The following RUFY4 variants were observed in gnomAD, a reference collection of about 807,000 sequenced individuals.
RUFY4 encodes the protein RUN and FYVE domain-containing protein 4.
A neutral mutation model predicts 69.0 loss-of-function variants in RUFY4; 73 were observed. The observed-to-expected ratio is 1.06, with a 90% CI of 0.88 to 1.29. RUFY4 has a LOEUF of 1.29. RUFY4 is among the 50% of genes most tolerant of loss of function. RUFY4 has a pLI of 0.00. For missense variants in RUFY4, 770 were observed against 705.6 expected (o/e 1.09, Z -1.03); for synonymous variants, 287 against 271.8 (o/e 1.06, Z -0.55).
At chr2:218,046,027 G>C (rs1452276338) in intron 2 of RUFY4, among the ~76,000 whole-genome samples, 1 of 152,008 alleles carries the variant, frequency 6.6e-6, no homozygotes, top group Non-Finnish European at 1.5e-5. Context: ...AGATGTTCTA[G>C]ATCTCCTGAC....
intron 2 of RUFY4, among the ~76,000 whole-genome samples, chr2:218,037,640 G>A (rs1958999413): frequency 6.6e-6 from 1 of 152,154 alleles, no homozygotes; most frequent in Non-Finnish European, 1.5e-5. Context: ...CCAAACCAAG[G>A]CAGACTTCAG....
chr2:218,035,339 C>T (rs994995349), exon 2 of RUFY4: 26 of 152,142 alleles, frequency 1.7e-4, no homozygotes, highest in African/African-American at 5.6e-4. Context: ...AAGGGGCTGC[C>T]GAGACCATCA....
At chr2:218,046,854 G>A (rs1316740828) in intron 2 of RUFY4, among the ~76,000 whole-genome samples, 1 of 151,862 alleles carries the variant, frequency 6.6e-6, no homozygotes, top group Admixed American at 6.6e-5. Context: ...CATATTTCAG[G>A]GACCCTTCTG....
chr2:218,053,511 A>G (rs1394015372), intron 2 of RUFY4, among the ~76,000 whole-genome samples: 1 of 151,444 alleles, frequency 6.6e-6, no homozygotes, highest in Non-Finnish European at 1.5e-5. Flanking sequence ...ACACCTGGCT[A>G]ATTTTTTTTT....
intron 2 of RUFY4, chr2:218,035,402 A>T (rs929003464): frequency 1.3e-5 from 2 of 150,016 alleles, no homozygotes; most frequent in Non-Finnish European, 3.0e-5. Context: ...AAGGTGAGTG[A>T]TTTGCCCGAG....
chr2:218,086,378 C>G (rs2106074813), intron 9 of RUFY4, among the ~76,000 whole-genome samples: 1 of 152,240 alleles, frequency 6.6e-6, no homozygotes, highest in African/African-American at 2.4e-5. Context: ...ACAAAACAAA[C>G]AAAGCCCACA....
At chr2:218,060,199 C>T (rs748451150) in intron 3 of RUFY4, 90 of 699,318 alleles carry the variant, frequency 1.3e-4, no homozygotes, top group South Asian at 6.2e-5. Flanking sequence ...CTAGTAAGAA[C>T]GTGGCCTCCT....
chr2:218,039,112 C>T (rs184244236), intron 2 of RUFY4, among the ~76,000 whole-genome samples: 2 of 152,254 alleles, frequency 1.3e-5, no homozygotes, highest in East Asian at 1.9e-4. Flanking sequence ...CTGAGAGTGG[C>T]TACTGTCTCT....
chr2:218,089,534 T>C (rs1480802389), intron 10 of RUFY4, among the ~76,000 whole-genome samples, 172 bp downstream of exon 12: 3 of 152,002 alleles, frequency 2.0e-5, no homozygotes, highest in Admixed American at 1.3e-4. Flanking sequence ...AGCAGAGCCA[T>C]AAAGGAGAAG....
At chr2:218,077,194 G>A (rs564245810) in intron 8 of RUFY4, among the ~76,000 whole-genome samples, 42 of 152,222 alleles carry the variant, frequency 2.8e-4, no homozygotes, top group African/African-American at 7.2e-4. Context: ...GGGCTCAGAC[G>A]CCCCATTCAG....
chr2:218,050,839 G>A (rs1370319080), intron 2 of RUFY4, among the ~76,000 whole-genome samples: 2 of 152,046 alleles, frequency 1.3e-5, no homozygotes, highest in African/African-American at 4.8e-5. Context: ...TCTTTGACAG[G>A]AAAAAGACTT....
upstream of RUFY4, chr2:218,069,698 C>T (rs2106045542): frequency 6.6e-6 from 1 of 152,362 alleles, no homozygotes; most frequent in South Asian, 2.1e-4. Context: ...TCCCTCTCCC[C>T]TTCCCTCCAC....
chr2:218,072,351 T>C, intron 2 of RUFY4, 23 bp from the exon 5 acceptor site: 1 of 1,536,934 alleles, frequency 6.5e-7, no homozygotes, highest in Non-Finnish European at 8.7e-7. Context: ...TTCTACACTT[T>C]CTTTGCCTCA....
intron 2 of RUFY4, among the ~76,000 whole-genome samples, chr2:218,036,348 A>T (rs1958977898): frequency 6.6e-6 from 1 of 152,148 alleles, no homozygotes; most frequent in Non-Finnish European, 1.5e-5. Context: ...GTAAGGAGAG[A>T]GTTGGGCAGT....
At chr2:218,090,061 C>T in exon 11 of RUFY4, 1 of 1,522,128 alleles carries the variant, frequency 6.6e-7, no homozygotes, top group Non-Finnish European at 8.9e-7. Flanking sequence ...CTGACCAAGA[C>T]CAAGACCAGC....
chr2:218,068,207 C>T (rs1689393903), upstream of RUFY4, among the ~76,000 whole-genome samples: 1 of 143,556 alleles, frequency 7.0e-6, no homozygotes, highest in Non-Finnish European at 1.5e-5. Context: ...GGGCAGGGGG[C>T]TGGAGGATGG....
intron 3 of RUFY4, among the ~76,000 whole-genome samples, chr2:218,063,827 C>T (rs775263395): frequency 6.6e-6 from 1 of 152,194 alleles, no homozygotes; most frequent in Non-Finnish European, 1.5e-5. Context: ...CCTTACACGT[C>T]AGCCCATAAG....
upstream of RUFY4, chr2:218,070,177 G>A (rs902373971): frequency 1.6e-5 from 4 of 246,676 alleles, no homozygotes; most frequent in Non-Finnish European, 2.4e-5. Context: ...CTCACACCAA[G>A]TCAGGACCCA....
At chr2:218,046,244 T>C (rs748910772) in intron 2 of RUFY4, among the ~76,000 whole-genome samples, 5 of 152,116 alleles carry the variant, frequency 3.3e-5, no homozygotes, top group South Asian at 2.1e-4. Flanking sequence ...ATATATACTA[T>C]TGTTAACTAT....
Sources: allele counts gnomAD v4.1 joint callset (sites outside exome capture counted in the v4.1 genomes callset), GRCh38; gene constraint gnomAD v4.1.1; transcripts MANE v1.5; gene names NCBI Gene and HGNC (gene_info 2026-07-23, HGNC 2026-07-21).